Variants in USP49 observed in about 807,000 individuals in gnomAD.
USP49 encodes ubiquitin specific peptidase 49, also known as ubiquitin carboxyl-terminal hydrolase 49.
A neutral mutation model predicts 58.6 loss-of-function variants in USP49; 24 were observed. That is an observed-to-expected ratio of 0.41 (90% CI 0.30 to 0.58). The LOEUF is 0.58. Among genes scored for constraint, USP49 ranks in the 20% least tolerant of loss-of-function variants. The pLI, the probability that USP49 is intolerant of heterozygous loss-of-function variation, is 0.30. For synonymous variants in USP49, 408 were observed against 365.1 expected (o/e 1.12, Z -1.34); for missense variants, 703 against 866.1 (o/e 0.81, Z 2.36).
chr6:41,798,766 CA>C lies in USP49; in HGVS notation c.1833del (p.Phe611LeufsTer26). The C allele has an allele frequency of 6.2e-7, 1 of 1,614,056 alleles. No homozygotes were observed. Among genetic ancestry groups the C allele is most frequent in the Non-Finnish European group, 8.5e-7 (1 of 1,180,018 alleles). On this transcript the variant is annotated frameshift_variant, in exon 7 of 8. Transcript: ENST00000682992. LOFTEE classifies it high-confidence loss of function. ...CAATAGGCTGTGTAGTGTCCTGAGC[CA>C]AACCCTTTCCCGTGATGCATGACCA... ...SAVVMHHGKG[F>X]GSGHYTAYCY...
chr6:41,802,425 T>TTA (rs1203198722), intron 5 of USP49, among the ~76,000 whole-genome samples: 1 of 112,602 alleles, frequency 8.9e-6, no homozygotes, highest in African/African-American at 3.2e-5. Context: ...TTATTTTATT[T>TTA]TATTTTATTT....
At chr6:41,871,930 C>T (rs904846005) in intron 2 of USP49, among the ~76,000 whole-genome samples, 5 of 152,190 alleles carry the variant, frequency 3.3e-5, no homozygotes, top group Non-Finnish European at 5.9e-5. Context: ...AAAAATTACA[C>T]ATTATATTTG....
chr6:41,805,741 GTTCCTGCTGCACCTT>G lies in USP49; in HGVS notation c.1228_1242del (p.Lys410_Glu414del). On this transcript the variant is annotated inframe_deletion, in exon 4 of 8. Coordinates refer to ENST00000682992, the MANE Select transcript of USP49 (RefSeq NM_001286554.2). ...CGGCGTGTGGTGCCCTCAGACTCGA[GTTCCTGCTGCACCTT>G]GTGCAGCAGCTCGCAGAGAAATTCC... The G allele has an allele frequency of 6.2e-7, 1 of 1,614,128 alleles. No individual in the cohort carries two copies. The highest frequency in any genetic ancestry group is 8.5e-7 in the Non-Finnish European group (1 of 1,180,024).
intron 3 of USP49, among the ~76,000 whole-genome samples, chr6:41,811,904 A>G (rs1773263044): frequency 6.6e-6 from 1 of 152,170 alleles, no homozygotes; most frequent in Non-Finnish European, 1.5e-5. Flanking sequence ...AAAAATATCA[A>G]GATGCAGACA....
At chr6:41,855,706 T>C (rs921603940) in intron 3 of USP49, among the ~76,000 whole-genome samples, 4 of 152,126 alleles carry the variant, frequency 2.6e-5, no homozygotes, top group Non-Finnish European at 1.5e-5. Context: ...TTCAGTCCCT[T>C]TTTTCACTCA....
rs751064676 is a variant in USP49, at chr6:41,802,473, TTATTTA to T, written c.1561+1327_1561+1332del. Among the ~76,000 whole-genome samples, 556 of 91,672 alleles carry T rather than the reference TTATTTA, an allele frequency of 6.1e-3. 33 individuals are homozygous for T. The highest frequency in any genetic ancestry group is 0.019 in the East Asian group (66 of 3,510). The allele number at this position is 91,672 out of a possible 152,430, so 60.1% of individuals were successfully genotyped here. ...ATTTATTTATTTATTTATTTATTTT[TTATTTA>T]TTTTTTTTTTTTGAGACAGCATCTC... On this transcript the variant is annotated intron_variant, in intron 5 of 7. Coordinates refer to ENST00000682992, the MANE Select transcript of USP49 (RefSeq NM_001286554.2).
chr6:41,806,974 A>G lies in USP49; in HGVS notation c.10T>C (p.Cys4Arg). 1 of 1,593,464 alleles carries G rather than the reference A, an allele frequency of 6.3e-7. No homozygotes were observed. Among genetic ancestry groups the G allele is most frequent in the Non-Finnish European group, 8.6e-7 (1 of 1,165,744 alleles). Residue 4 changes from cysteine to arginine, a missense_variant, in exon 4 of 8, where the codon TGC becomes CGC. Physicochemically the swap from Cys to Arg is radical, Grantham distance 180 (BLOSUM62 -3). Around this residue, in one of 6 missense-constraint regions of USP49, gnomAD observed 376 missense variants for 373.5 expected, o/e 1.01. Coordinates refer to ENST00000682992, the MANE Select transcript of USP49 (RefSeq NM_001286554.2). This position sits in a 1 kb window ranked among gnomAD's most constrained non-coding sequence, Gnocchi z 5.9. The part of the protein sequence containing the change: MDR[C>R]KHVGRLRLAQ... ...AGCCGTAACCGCCCTACATGTTTGC[A>G]TCTATCCATGTCTTATAGAAGTCGC... is the stretch of plus-strand genomic sequence containing the variant.
intron 3 of USP49, among the ~76,000 whole-genome samples, chr6:41,822,247 A>C (rs1773464821): frequency 6.6e-6 from 1 of 152,214 alleles, no homozygotes; most frequent in Non-Finnish European, 1.5e-5. Flanking sequence ...TTTTCTCCAC[A>C]TGGCTGAAGA....
chr6:41,808,294 A>C (rs537753357), intron 3 of USP49, among the ~76,000 whole-genome samples: 1 of 152,362 alleles, frequency 6.6e-6, no homozygotes, highest in East Asian at 1.9e-4. Flanking sequence ...TGCTTTTTAA[A>C]ACAGTAGAAC....
intron 3 of USP49, among the ~76,000 whole-genome samples, chr6:41,841,307 A>T (rs1018383318): frequency 6.6e-6 from 1 of 151,266 alleles, no homozygotes; most frequent in Non-Finnish European, 1.5e-5. Context: ...TATTATAGTT[A>T]AAAAAAAAGA....
In USP49 at chr6:41,796,405, G is replaced by A; in HGVS notation, c.*128C>T. The A allele has an allele frequency of 1.7e-6, 1 of 572,376 alleles. No individual in the cohort carries two copies. Among genetic ancestry groups the A allele is most frequent in the African/African-American group, 1.9e-5 (1 of 53,660 alleles). 35.5% of individuals were successfully genotyped at this position (572,376 alleles called of 1,614,324 possible). On this transcript the variant is annotated 3_prime_UTR_variant, in exon 8 of 8. Coordinates refer to ENST00000682992, the MANE Select transcript of USP49 (RefSeq NM_001286554.2). ...TTTACGACAGGACACGAATCACCTG[G>A]CACCTTCTACTCTAGACCCAGCAAG...
chr6:41,881,832 T>C (rs1582038272), intron 2 of USP49, among the ~76,000 whole-genome samples: 1 of 152,164 alleles, frequency 6.6e-6, no homozygotes, highest in Non-Finnish European at 1.5e-5. Flanking sequence ...ACATACCCAA[T>C]AGTTCCTCCA....
intron 3 of USP49, among the ~76,000 whole-genome samples, chr6:41,835,395 A>C (rs1166985778): frequency 6.6e-6 from 1 of 152,222 alleles, no homozygotes; most frequent in Admixed American, 6.5e-5. Flanking sequence ...GGAATTGGGA[A>C]GTAAACACAA....
chr6:41,856,587 TCA>T, intron 3 of USP49, among the ~76,000 whole-genome samples: 1 of 152,188 alleles, frequency 6.6e-6, no homozygotes, highest in South Asian at 2.1e-4. Flanking sequence ...CTCAGAGAAA[TCA>T]CAGAGGCAGA....
At chr6:41,884,674 T>A (rs1483365628) in intron 2 of USP49, among the ~76,000 whole-genome samples, 2 of 152,214 alleles carry the variant, frequency 1.3e-5, no homozygotes, top group Non-Finnish European at 2.9e-5. Flanking sequence ...CATTCATGCA[T>A]ACATTAATTT....
At chr6:41,858,968 A>T (rs1387244751) in intron 3 of USP49, among the ~76,000 whole-genome samples, 1 of 152,232 alleles carries the variant, frequency 6.6e-6, no homozygotes, top group East Asian at 1.9e-4. Context: ...AGCACCTACC[A>T]GAAAAAAGAT....
intron 3 of USP49, among the ~76,000 whole-genome samples, chr6:41,861,021 C>T (rs1443142555): frequency 2.0e-5 from 3 of 151,906 alleles, no homozygotes; most frequent in East Asian, 2.0e-4. Context: ...CCCAGCTACT[C>T]GGGAGGCTGA....
At chr6:41,883,138 T>C (rs192507013) in intron 2 of USP49, among the ~76,000 whole-genome samples, 2 of 151,832 alleles carry the variant, frequency 1.3e-5, no homozygotes, top group Non-Finnish European at 2.9e-5. Context: ...CACTGGTAAC[T>C]AGAAATAAAA....
At chr6:41,824,115 C>T (rs1773497082) in intron 3 of USP49, among the ~76,000 whole-genome samples, 1 of 152,080 alleles carries the variant, frequency 6.6e-6, no homozygotes, top group Non-Finnish European at 1.5e-5. Context: ...TTACTCATCC[C>T]CAGGCCAGTT....
Sources: gnomAD v4.1 joint callset for allele counts (sites outside exome capture counted in the v4.1 genomes callset) on GRCh38, gnomAD v4.1.1 for gene constraint, gnomAD v4.1.1 regional missense constraint, Gnocchi (gnomAD v3.1) non-coding constraint, MANE v1.5 for transcripts, NCBI Gene and HGNC (gene_info 2026-07-23, HGNC 2026-07-21) for gene names.